SDK1: variants seen among roughly 807,000 people sequenced by gnomAD.
The protein encoded by SDK1 is sidekick cell adhesion molecule 1, also known as protein sidekick-1.
Under a neutral mutation model 245.5 loss-of-function variants are expected in SDK1, and 157 were observed. The observed-to-expected ratio is 0.64, with a 90% CI of 0.56 to 0.73. The LOEUF is 0.73. SDK1 is among the 30% of genes least tolerant of loss of function. SDK1 has a pLI of 0.00. For missense variants in SDK1, 3,583 were observed against 3,002.3 expected, an observed-to-expected ratio of 1.19 and a Z score of -4.52; for synonymous variants, 1,647 against 1,278.5, an observed-to-expected ratio of 1.29 and a Z score of -6.15.
intron 3 of SDK1, among the ~76,000 whole-genome samples, chr7:3,641,360 T>C (rs955026097): frequency 3.9e-5 from 6 of 152,218 alleles, no homozygotes; most frequent in Admixed American, 3.3e-4. Context: ...CCCCATTTTT[T>C]AAATTTTTTT....
At chr7:3,778,033 T>G (rs571640586) in intron 4 of SDK1, among the ~76,000 whole-genome samples, 1 of 152,276 alleles carries the variant, frequency 6.6e-6, no homozygotes, top group African/African-American at 2.4e-5. Context: ...TAGTTTGAAG[T>G]TTTTGTTGGT....
Position 3,487,754 on chromosome 7 carries a change from CAAAAAAAA to C in SDK1, c.299-131311_299-131304del, listed in dbSNP as rs764105126. 4.6e-5 allele frequency among the ~76,000 whole-genome samples: 3 copies of C among 64,958 alleles called. No homozygotes were observed. The Admixed American group carries it at 6.7e-4, about 15-fold the overall frequency. 42.6% of individuals were successfully genotyped at this position (64,958 alleles called of 152,430 possible). ...TGGGCAACAGAGCAAGACCCCATCT[CAAAAAAAA>C]AAAAAAAAAAAAAAGAAAAGGAATT... On this transcript the variant is annotated intron_variant, in intron 1 of 44. Coordinates refer to ENST00000404826, the MANE Select transcript of SDK1 (RefSeq NM_152744.4).
chr7:3,931,351 A>G (rs549766756), intron 5 of SDK1, among the ~76,000 whole-genome samples: 19 of 152,304 alleles, frequency 1.2e-4, no homozygotes, highest in Admixed American at 2.6e-4. Context: ...ATACAACTAT[A>G]TTGATGAACA....
rs560430423 is a variant in SDK1, at chr7:3,301,584, G to T, written c.-3G>T. The T allele has an allele frequency of 1.1e-3, 1,077 of 966,040 alleles. 15 individuals carry two copies. In the African/African-American group the frequency reaches 0.018, roughly 16 times the overall value. 59.8% of individuals were successfully genotyped at this position (966,040 alleles called of 1,614,324 possible). On this transcript the variant is annotated 5_prime_UTR_variant, in exon 1 of 45. Transcript: ENST00000404826. ...GCGGCGCTCGGGGTGGCGGCTGCTC[G>T]GCATGGCCCGGGGCGCCCGGCCCTC...
chr7:4,154,307 T>C (rs1015287638), intron 30 of SDK1, among the ~76,000 whole-genome samples: 5 of 152,254 alleles, frequency 3.3e-5, no homozygotes, highest in Non-Finnish European at 5.9e-5. Context: ...GCAAGAGTTC[T>C]GATAGCAAGT....
intron 1 of SDK1, among the ~76,000 whole-genome samples, chr7:3,524,441 A>G (rs1783050403): frequency 6.6e-6 from 1 of 152,182 alleles, no homozygotes; most frequent in Non-Finnish European, 1.5e-5. Context: ...ATCAGGTGAT[A>G]GCAGTACAGA....
chr7:3,751,547 C>T (rs1017381760), intron 4 of SDK1, among the ~76,000 whole-genome samples: 8 of 152,254 alleles, frequency 5.3e-5, no homozygotes, highest in African/African-American at 1.2e-4. Context: ...CTGGCCATCC[C>T]GTCATTGCCC....
intron 4 of SDK1, among the ~76,000 whole-genome samples, chr7:3,781,477 G>C (rs1287563150): frequency 6.6e-6 from 1 of 152,276 alleles, no homozygotes; most frequent in African/African-American, 2.4e-5. Context: ...AAAGGGGACT[G>C]TCTTCTCAAA....
At chr7:4,250,095 T>C (rs1347121338) in intron 44 of SDK1, among the ~76,000 whole-genome samples, 1 of 152,186 alleles carries the variant, frequency 6.6e-6, no homozygotes, top group Non-Finnish European at 1.5e-5. Context: ...AGCTACTTTC[T>C]ACCTCTCTAG....
intron 4 of SDK1, among the ~76,000 whole-genome samples, chr7:3,791,149 G>A (rs1781069446): frequency 1.3e-5 from 2 of 151,670 alleles, no homozygotes; most frequent in Non-Finnish European, 1.5e-5. Context: ...TTACATAAGT[G>A]GTAGTTTAAA....
At chr7:3,860,206 C>G (rs1385126384) in intron 5 of SDK1, among the ~76,000 whole-genome samples, 1 of 152,014 alleles carries the variant, frequency 6.6e-6, no homozygotes, top group Non-Finnish European at 1.5e-5. Context: ...TTTATTGCAT[C>G]AAAATTTAAA....
Position 3,833,863 on chromosome 7 carries a change from C to G in SDK1, c.847+12280C>G, listed in dbSNP as rs186166404. Among the ~76,000 whole-genome samples the G allele has an allele frequency of 1.3e-3, 197 of 152,274 alleles. 1 individual carries two copies. Among genetic ancestry groups the G allele is most frequent in the African/African-American group, 4.6e-3 (192 of 41,548 alleles). Reference sequence around the variant, plus strand: ...GGAAGCAGTTCTACTTGAACCCTAGCCTGGCATTAGATGACCTGGATCCTA... The same window carrying G: ...GGAAGCAGTTCTACTTGAACCCTAGGCTGGCATTAGATGACCTGGATCCTA... On this transcript the variant is annotated intron_variant, in intron 5 of 44. Transcript: ENST00000404826.
intron 1 of SDK1, among the ~76,000 whole-genome samples, chr7:3,492,216 G>A (rs1403630008): frequency 6.6e-6 from 1 of 152,174 alleles, no homozygotes; most frequent in African/African-American, 2.4e-5. Context: ...TTTCTTCTCT[G>A]CTAAAATTGT....
intron 1 of SDK1, among the ~76,000 whole-genome samples, chr7:3,477,189 CTT>C (rs35328849): frequency 1.3e-4 from 10 of 78,642 alleles, no homozygotes; most frequent in African/African-American, 4.6e-4. Flanking sequence ...TGGTTTTCTC[CTT>C]TTTTTTTTTT....
At chr7:4,210,992 G>C (rs1284074639) in intron 38 of SDK1, among the ~76,000 whole-genome samples, 2 of 152,178 alleles carry the variant, frequency 1.3e-5, no homozygotes, top group Non-Finnish European at 2.9e-5. Context: ...CCCACGGTGG[G>C]CAGAGCTTGG....
chr7:4,031,180 T>C (rs1010619379), intron 17 of SDK1, among the ~76,000 whole-genome samples: 1 of 152,244 alleles, frequency 6.6e-6, no homozygotes, highest in Non-Finnish European at 1.5e-5. Context: ...TTCTTGTACA[T>C]GTATATATAC....
chr7:3,975,459 T>C (rs1010740728), intron 13 of SDK1, among the ~76,000 whole-genome samples: 1 of 152,176 alleles, frequency 6.6e-6, no homozygotes, highest in Non-Finnish European at 1.5e-5. Context: ...AAAGATTCTG[T>C]ATTCAAAATC....
intron 1 of SDK1, among the ~76,000 whole-genome samples, chr7:3,366,217 T>C (rs1051470017): frequency 7.2e-5 from 11 of 152,182 alleles, no homozygotes; most frequent in Admixed American, 5.9e-4. Context: ...AGAGAAGCAT[T>C]CTCTGTTTTC....
In SDK1 at chr7:3,645,359, A is replaced by C. The variant is rs144737329; in HGVS notation, c.713+3254A>C. On this transcript the variant is annotated intron_variant, in intron 4 of 44. Coordinates refer to ENST00000404826, the MANE Select transcript of SDK1 (RefSeq NM_152744.4). The stretch of plus-strand genomic sequence containing the variant: ...GATGAGGCTGATTATGGATATTTAC[A>C]CTTTTACAAGGCCCTTTAGTTTCGT... 2.5e-3 allele frequency among the ~76,000 whole-genome samples: 385 copies of C among 152,316 alleles called. 2 individuals carry two copies. Among genetic ancestry groups the C allele is most frequent in the African/African-American group, 8.9e-3 (369 of 41,572 alleles).
Sources: gnomAD v4.1 joint callset for allele counts (sites outside exome capture counted in the v4.1 genomes callset) on GRCh38, gnomAD v4.1.1 for gene constraint, MANE v1.5 for transcripts, NCBI Gene and HGNC (gene_info 2026-07-23, HGNC 2026-07-21) for gene names.